The following KCNK5 variants were observed in gnomAD, a reference collection of about 807,000 sequenced individuals.
KCNK5 encodes the protein potassium two pore domain channel subfamily K member 5, also known as potassium channel subfamily K member 5.
In KCNK5, 18 loss-of-function variants were observed where a neutral mutation model predicts 32.9. The observed-to-expected ratio is 0.55, with a 90% CI of 0.38 to 0.81. KCNK5 has a LOEUF of 0.81. Among genes scored for constraint, KCNK5 ranks in the 30% least tolerant of loss-of-function variants. The pLI is 0.00. For synonymous variants in KCNK5, 276 were observed against 275.3 expected (o/e 1.00, Z -0.03); for missense variants, 507 against 651.0 (o/e 0.78, Z 2.41).
intron 1 of KCNK5, among the ~76,000 whole-genome samples, chr6:39,219,335 C>A (rs1232940649): frequency 2.6e-5 from 4 of 152,146 alleles, no homozygotes; most frequent in Admixed American, 1.3e-4. Flanking sequence ...CTGCCTCGAG[C>A]TGGAAGCTGC....
intron 1 of KCNK5, among the ~76,000 whole-genome samples, chr6:39,198,972 G>A (rs1419184938): frequency 2.6e-5 from 4 of 152,312 alleles, no homozygotes; most frequent in South Asian, 2.1e-4. Flanking sequence ...GGGTGGTAGT[G>A]CCTTTTGGAA....
At chr6:39,207,093 A>T (rs1194506405) in intron 1 of KCNK5, among the ~76,000 whole-genome samples, 1 of 152,180 alleles carries the variant, frequency 6.6e-6, no homozygotes, top group East Asian at 1.9e-4. Flanking sequence ...CCTCCGGCTC[A>T]GCAGTTCACC....
intron 1 of KCNK5, among the ~76,000 whole-genome samples, chr6:39,220,970 A>T (rs1014179899): frequency 1.3e-5 from 2 of 151,938 alleles, no homozygotes; most frequent in Non-Finnish European, 2.9e-5. Flanking sequence ...GCACCCTAAG[A>T]CTCTGAGGAC....
rs766504806 is a variant in KCNK5, at chr6:39,191,550, C to T, written c.840G>A (p.Lys280=). 3.1e-6 allele frequency: 5 copies of T among 1,613,914 alleles called. No individual in the cohort carries two copies. Among genetic ancestry groups the T allele is most frequent in the African/African-American group, 2.7e-5 (2 of 74,916 alleles). ...SPHSRKALQV[K]GSTASKDVNI... ...TGACGTCCTTGGAGGCTGTGCTCCC[C>T]TTCACCTGCAGGGCCTTCCGGGAGT... The change falls in exon 5 of 5, where the codon AAG becomes AAA. Residue 280 remains lysine (K), a synonymous_variant. Transcript: ENST00000359534. The surrounding 1 kb of genome is among the most constrained non-coding windows in gnomAD (Gnocchi z 5.8).
In KCNK5 at chr6:39,229,031, C is replaced by T; in HGVS notation, c.81G>A (p.Glu27=). The part of the protein sequence containing the change: ...AIGAAIFEVL[E]EPHWKEAKKN... ...TCTTGGCCTCCTTCCAGTGTGGCTC[C>T]TCCAGCACTTCGAAGATCGCCGCCC... Residue 27 remains glutamate, a synonymous_variant, in exon 1 of 5, where the codon GAG becomes GAA. Coordinates refer to ENST00000359534, the MANE Select transcript of KCNK5 (RefSeq NM_003740.4). The T allele has an allele frequency of 6.2e-7, 1 of 1,614,194 alleles. No individual in the cohort carries two copies. The highest frequency in any genetic ancestry group is 8.5e-7 in the Non-Finnish European group (1 of 1,180,024).
intron 1 of KCNK5, among the ~76,000 whole-genome samples, chr6:39,207,587 A>C (rs1305515082): frequency 7.0e-6 from 1 of 143,044 alleles, no homozygotes; most frequent in African/African-American, 2.5e-5. Context: ...CTGGTGAGTC[A>C]GTTCCCCTGC....
chr6:39,193,473 G>T (rs1770976545), intron 4 of KCNK5, among the ~76,000 whole-genome samples: 1 of 152,240 alleles, frequency 6.6e-6, no homozygotes, highest in Non-Finnish European at 1.5e-5. Context: ...TGGGGTGGTG[G>T]GTCAACAGGG....
At chr6:39,193,993 TG>T (rs1770985147) in intron 4 of KCNK5, among the ~76,000 whole-genome samples, 175 bp downstream of exon 4, 1 of 152,166 alleles carries the variant, frequency 6.6e-6, no homozygotes, top group Non-Finnish European at 1.5e-5. Context: ...AAGAGTTTTT[TG>T]TCATTACTCT....
intron 1 of KCNK5, among the ~76,000 whole-genome samples, chr6:39,226,403 G>A (rs1335713047): frequency 6.6e-6 from 1 of 152,014 alleles, no homozygotes; most frequent in Non-Finnish European, 1.5e-5. Flanking sequence ...CAATTCGGGG[G>A]GTATTTCTAA....
intron 1 of KCNK5, among the ~76,000 whole-genome samples, chr6:39,202,454 G>A (rs2815108): frequency 0.86 from 130,726 of 152,066 alleles, 56,548 homozygotes; most frequent in East Asian, 0.95. Context: ...GAGGGCAGGG[G>A]GCAGGAGCTG....
chr6:39,214,419 G>A (rs575233618), intron 1 of KCNK5, among the ~76,000 whole-genome samples: 29 of 152,288 alleles, frequency 1.9e-4, no homozygotes, highest in Middle Eastern at 3.4e-3. Flanking sequence ...AATCTGGCCC[G>A]GCAGGACACC....
chr6:39,191,472 C>T lies in KCNK5; in HGVS notation c.918G>A (p.Lys306=). 2 of 1,613,656 alleles carry T rather than the reference C, an allele frequency of 1.2e-6. No individual in the cohort carries two copies. The highest frequency in any genetic ancestry group is 2.2e-5 in the South Asian group (2 of 91,066). Residue 306 remains lysine (K), a synonymous_variant, in exon 5 of 5, where the codon AAG becomes AAA. Transcript: ENST00000359534. The surrounding 1 kb of genome is among the most constrained non-coding windows in gnomAD (Gnocchi z 5.8). ...KKEETYNDLI[K]QIGKKAMKTS... ...TCTTCATGGCCTTCTTCCCGATCTG[C>T]TTGATGAGGTCGTTGTAGGTCTCTT...
chr6:39,215,047 A>G (rs1473308675), intron 1 of KCNK5, among the ~76,000 whole-genome samples: 1 of 152,196 alleles, frequency 6.6e-6, no homozygotes, highest in African/African-American at 2.4e-5. Context: ...GCCTAAACAC[A>G]CAGCAAGTCA....
chr6:39,216,619 A>C (rs1449899020), intron 1 of KCNK5, among the ~76,000 whole-genome samples: 1 of 152,170 alleles, frequency 6.6e-6, no homozygotes, highest in Non-Finnish European at 1.5e-5. Context: ...GACCTCCACT[A>C]AGTTACTTAC....
intron 1 of KCNK5, among the ~76,000 whole-genome samples, chr6:39,214,397 G>A (rs1771393727): frequency 6.6e-6 from 1 of 152,180 alleles, no homozygotes; most frequent in African/African-American, 2.4e-5. Flanking sequence ...CACATCTGCT[G>A]GCTTGGGGGA....
At chr6:39,223,163 G>C (rs1771589060) in intron 1 of KCNK5, among the ~76,000 whole-genome samples, 1 of 152,188 alleles carries the variant, frequency 6.6e-6, no homozygotes, top group African/African-American at 2.4e-5. Flanking sequence ...AGGAATATCT[G>C]GGCATAGCAG....
chr6:39,202,320 AGAGC>A (rs1262611703), intron 1 of KCNK5, among the ~76,000 whole-genome samples: 70 of 152,286 alleles, frequency 4.6e-4, no homozygotes, highest in African/African-American at 1.5e-3. Flanking sequence ...GGAAGCCTGA[AGAGC>A]AAGAGGGCAG....
rs571328089 is a variant in KCNK5, at chr6:39,194,840, G to T, written c.299-80C>A. 52 of 1,186,616 alleles carry T rather than the reference G, an allele frequency of 4.4e-5. No homozygotes were observed. The highest frequency in any genetic ancestry group is 2.0e-4 in the African/African-American group (13 of 66,050). The allele number at this position is 1,186,616 out of a possible 1,614,324, so 73.5% of individuals were successfully genotyped here. On this transcript the variant is annotated intron_variant, in intron 2 of 4. Transcript: ENST00000359534. The surrounding 1 kb of genome is among the most constrained non-coding windows in gnomAD (Gnocchi z 4.7). Reference sequence around the variant, plus strand: ...CTTGCTTCCAACACACACACAGCCCGTTCTCTAAGATAAATTGATATTGAT... The same window carrying T: ...CTTGCTTCCAACACACACACAGCCCTTTCTCTAAGATAAATTGATATTGAT...
At position 39,197,257 on chromosome 6, in the gene KCNK5, GA is replaced by G. The variant is rs142859393; in HGVS notation, c.187-1271del. ...CCAGAGCATGACTGAGGTTTGGTGG[GA>G]AAAAAAGGGCATGGGTGGGTTGTTC... On this transcript the variant is annotated intron_variant, in intron 1 of 4. Transcript: ENST00000359534. 8.4e-3 allele frequency among the ~76,000 whole-genome samples: 1,282 copies of G among 152,260 alleles called. 11 individuals carry two copies. The highest frequency in any genetic ancestry group is 0.024 in the African/African-American group (995 of 41,560).
Sources: gnomAD v4.1 joint callset for allele counts (sites outside exome capture counted in the v4.1 genomes callset) on GRCh38, gnomAD v4.1.1 for gene constraint, Gnocchi (gnomAD v3.1) non-coding constraint, MANE v1.5 for transcripts, NCBI Gene and HGNC (gene_info 2026-07-23, HGNC 2026-07-21) for gene names.